Variants in SLC4A1AP observed in about 807,000 individuals in gnomAD.
The protein encoded by SLC4A1AP is kanadaptin.
Under a neutral mutation model 89.7 loss-of-function variants are expected in SLC4A1AP, and 64 were observed. The observed-to-expected ratio is 0.71, with a 90% CI of 0.58 to 0.88. The LOEUF is 0.88. SLC4A1AP is among the 40% of genes least tolerant of loss of function. The probability of loss-of-function intolerance (pLI) is 0.00; values close to 1 mark genes in which losing one functional copy is unlikely to be tolerated. For synonymous variants in SLC4A1AP, 366 were observed against 353.3 expected, an observed-to-expected ratio of 1.04 and a Z score of -0.40; for missense variants, 931 against 965.0, an observed-to-expected ratio of 0.96 and a Z score of 0.47.
intron 8 of SLC4A1AP, among the ~76,000 whole-genome samples, chr2:27,681,820 C>CT (rs971558097): frequency 6.0e-5 from 9 of 149,548 alleles, no homozygotes; most frequent in East Asian, 2.0e-4. Context: ...CCCATGCACA[C>CT]TTTTTTTTTT....
chr2:27,681,263 C>T (rs1393263358), intron 8 of SLC4A1AP, among the ~76,000 whole-genome samples: 1 of 152,100 alleles, frequency 6.6e-6, no homozygotes, highest in Non-Finnish European at 1.5e-5. Flanking sequence ...TTCTGGTGGC[C>T]TTAGCAAGGG....
At chr2:27,668,179 C>T (rs1047383571) in intron 3 of SLC4A1AP, among the ~76,000 whole-genome samples, 2 of 151,066 alleles carry the variant, frequency 1.3e-5, no homozygotes, top group Non-Finnish European at 1.5e-5. Context: ...GACGGAGTCT[C>T]GCTCTGTTGC....
intron 8 of SLC4A1AP, among the ~76,000 whole-genome samples, chr2:27,680,813 CAACAACAT>C (rs1282162408): frequency 5.5e-5 from 8 of 144,952 alleles, no homozygotes; most frequent in South Asian, 2.1e-4. Context: ...ACAACAACAA[CAACAACAT>C]TTGGGGCAAG....
intron 5 of SLC4A1AP, among the ~76,000 whole-genome samples, chr2:27,673,757 C>T (rs974728101): frequency 1.3e-5 from 2 of 151,870 alleles, no homozygotes; most frequent in Non-Finnish European, 2.9e-5. Flanking sequence ...TTTAATGTAC[C>T]ATCTTAACCT....
At chr2:27,676,803 C>T (rs959830708) in intron 6 of SLC4A1AP, among the ~76,000 whole-genome samples, 2 of 148,478 alleles carry the variant, frequency 1.3e-5, no homozygotes. Context: ...GCACTGCAGC[C>T]TGGGTGACAG....
chr2:27,687,089 C>T (rs963499305), intron 10 of SLC4A1AP, among the ~76,000 whole-genome samples: 1 of 152,136 alleles, frequency 6.6e-6, no homozygotes, highest in Admixed American at 6.5e-5. Context: ...TAGGCGTAAG[C>T]CACCATGCCC....
intron 3 of SLC4A1AP, chr2:27,668,489 G>A: frequency 4.8e-6 from 2 of 415,036 alleles, no homozygotes; most frequent in Non-Finnish European, 9.6e-6. Flanking sequence ...TCACTCTGTC[G>A]CCCAGGCCGG....
chr2:27,688,898 T>G, intron 12 of SLC4A1AP, 131 bp downstream of exon 12: 1 of 601,454 alleles, frequency 1.7e-6, no homozygotes, highest in South Asian at 3.1e-5. Context: ...GAAATCTAGA[T>G]TCTTTGATTT....
rs547780198 is a variant in SLC4A1AP at position 27,686,811 on chromosome 2, G to T, written c.2117-1123G>T. Among the ~76,000 whole-genome samples the T allele has an allele frequency of 3.3e-5, 5 of 152,264 alleles. No homozygotes were observed. The South Asian group carries it at 8.3e-4, about 25-fold the overall frequency. Reference sequence around the variant, plus strand: ...ACAAAATTAAATAATTAGTAAATTTGCAGTGATGAGGGATTACCCCAGGCC... The same window carrying T: ...ACAAAATTAAATAATTAGTAAATTTTCAGTGATGAGGGATTACCCCAGGCC... On this transcript the variant is annotated intron_variant, in intron 10 of 13. Transcript: ENST00000613058.
chr2:27,668,898 G>GGT lies in SLC4A1AP; in HGVS notation c.1202_1203dup (p.Arg402Ter). The GGT allele has an allele frequency of 1.2e-6, 2 of 1,613,794 alleles. No individual in the cohort carries two copies. Among genetic ancestry groups the GGT allele is most frequent in the Non-Finnish European group, 1.7e-6 (2 of 1,179,760 alleles). On this transcript the variant is annotated frameshift_variant, in exon 4 of 14. Coordinates refer to ENST00000613058, the Ensembl canonical transcript of SLC4A1AP. LOFTEE classifies it high-confidence loss of function. ...AGGGACATAGCACTTGGCTCTGCAG[G>GGT]GTGAGGTATGCTCTTTTCTTATTAA...
intron 8 of SLC4A1AP, among the ~76,000 whole-genome samples, chr2:27,678,405 C>T (rs1675558916): frequency 1.3e-5 from 2 of 152,160 alleles, no homozygotes; most frequent in Admixed American, 6.5e-5. Context: ...TGTTGGAGCA[C>T]ACCTGTGGTC....
chr2:27,675,462 C>A, intron 5 of SLC4A1AP, 70 bp from the exon 6 acceptor site: 1 of 1,095,620 alleles, frequency 9.1e-7, no homozygotes. Context: ...AAGCTCCTTG[C>A]CTACTTGCCT....
chr2:27,692,739 T>C (rs1675807854), intron 12 of SLC4A1AP: 1 of 152,180 alleles, frequency 6.6e-6, no homozygotes, highest in South Asian at 2.1e-4. Flanking sequence ...AATTATATAA[T>C]AGCCTTCTTT....
At chr2:27,669,918 C>G (rs548235021) in intron 5 of SLC4A1AP, among the ~76,000 whole-genome samples, 25 of 152,298 alleles carry the variant, frequency 1.6e-4, no homozygotes, top group Admixed American at 1.6e-3. Flanking sequence ...GGCTAGAGTG[C>G]AATGGCGCAA....
intron 6 of SLC4A1AP, among the ~76,000 whole-genome samples, chr2:27,677,071 G>A (rs777787201): frequency 6.6e-6 from 1 of 151,922 alleles, no homozygotes; most frequent in Non-Finnish European, 1.5e-5. Flanking sequence ...CCCGGGAGTC[G>A]GAGGTGGCAG....
chr2:27,665,295 G>A, exon 2 of SLC4A1AP: 1 of 1,584,022 alleles, frequency 6.3e-7, no homozygotes, highest in Non-Finnish European at 8.6e-7. Context: ...CTGGGGAATG[G>A]GTAAGAAATT....
At chr2:27,692,118 C>A (rs1196939620) in intron 12 of SLC4A1AP, 3 of 152,146 alleles carry the variant, frequency 2.0e-5, no homozygotes, top group Non-Finnish European at 2.9e-5. Flanking sequence ...TGGCTCAAGA[C>A]TTCTTGATGT....
intron 8 of SLC4A1AP, 86 bp downstream of exon 8, chr2:27,678,010 C>A: frequency 3.3e-6 from 3 of 904,776 alleles, no homozygotes; most frequent in Admixed American, 6.4e-5. Flanking sequence ...CTTAAATAAT[C>A]ATTATATAAT....
At chr2:27,689,332 A>G (rs1230347406) in intron 12 of SLC4A1AP, among the ~76,000 whole-genome samples, 1 of 152,196 alleles carries the variant, frequency 6.6e-6, no homozygotes, top group Non-Finnish European at 1.5e-5. Flanking sequence ...AGGCTGTATC[A>G]GGAGGTCCCC....
Sources: allele counts gnomAD v4.1 joint callset (sites outside exome capture counted in the v4.1 genomes callset), GRCh38; gene constraint gnomAD v4.1.1; transcripts MANE v1.5; gene names NCBI Gene and HGNC (gene_info 2026-07-23, HGNC 2026-07-21).